The following LOXL2 variants were observed in gnomAD, a reference collection of about 807,000 sequenced individuals.
The protein encoded by LOXL2 is lysyl oxidase like 2, also known as lysyl oxidase homolog 2.
A neutral mutation model predicts 93.0 loss-of-function variants in LOXL2; 70 were observed. That is an observed-to-expected ratio of 0.75 (90% CI 0.62 to 0.92). The LOEUF is 0.92. LOXL2 is among the 40% of genes least tolerant of loss of function. The pLI is 0.00. For missense variants in LOXL2, 973 were observed against 1,054.9 expected, an observed-to-expected ratio of 0.92 and a Z score of 1.08; for synonymous variants, 438 against 413.2, an observed-to-expected ratio of 1.06 and a Z score of -0.73.
intron 6 of LOXL2, among the ~76,000 whole-genome samples, chr8:23,323,703 T>C (rs1258509479): frequency 6.8e-6 from 1 of 146,960 alleles, no homozygotes; most frequent in Non-Finnish European, 1.5e-5. Flanking sequence ...GGATTTTTTT[T>C]TTGGGGGGGT....
At chr8:23,376,908 T>G (rs1166341429) in intron 1 of LOXL2, among the ~76,000 whole-genome samples, 3 of 152,172 alleles carry the variant, frequency 2.0e-5, no homozygotes, top group Non-Finnish European at 4.4e-5. Context: ...ATTCATTGAT[T>G]TTTTGAAGGG....
chr8:23,301,928 A>T, intron 12 of LOXL2, 99 bp downstream of exon 12: 2 of 1,465,500 alleles, frequency 1.4e-6, no homozygotes, highest in Admixed American at 3.7e-5. Context: ...AGACAGCCTG[A>T]CTTCCATGCC....
chr8:23,342,119 G>A (rs1485063354), intron 3 of LOXL2, among the ~76,000 whole-genome samples: 1 of 152,180 alleles, frequency 6.6e-6, no homozygotes, highest in Non-Finnish European at 1.5e-5. Flanking sequence ...TCCCTGCCAC[G>A]TGGGTGTTCC....
intron 8 of LOXL2, among the ~76,000 whole-genome samples, chr8:23,319,622 G>A (rs1203514708): frequency 6.6e-6 from 1 of 152,168 alleles, no homozygotes; most frequent in African/African-American, 2.4e-5. Flanking sequence ...CAGAGCAGGA[G>A]TGGACCATGA....
intron 3 of LOXL2, among the ~76,000 whole-genome samples, chr8:23,342,433 C>CAT (rs1381109562): frequency 7.3e-6 from 1 of 137,330 alleles, no homozygotes; most frequent in Non-Finnish European, 1.5e-5. Flanking sequence ...TTTTCTTTTT[C>CAT]TTTTTTTTTT....
intron 1 of LOXL2, among the ~76,000 whole-genome samples, chr8:23,386,540 C>T (rs891203581): frequency 6.6e-6 from 1 of 152,174 alleles, no homozygotes; most frequent in Non-Finnish European, 1.5e-5. Flanking sequence ...CTTCTCCATA[C>T]CTGTTCTATT....
In LOXL2 at chr8:23,299,468, C is replaced by T. The variant is rs866365072; in HGVS notation, c.2134-521G>A. 5.3e-5 allele frequency among the ~76,000 whole-genome samples: 8 copies of T among 152,198 alleles called. No individual in the cohort carries two copies. The Middle Eastern group carries it at 0.014, about 259-fold the overall frequency. ...CCATGTCCCTGTCTGCTCTGCTGGCCGAGGGCCTGGCTCTGGGGCTGCTGG... is the reference window on the plus strand; with the variant it reads ...CCATGTCCCTGTCTGCTCTGCTGGCTGAGGGCCTGGCTCTGGGGCTGCTGG... On this transcript the variant is annotated intron_variant, in intron 12 of 13. Transcript: ENST00000389131.
intron 1 of LOXL2, among the ~76,000 whole-genome samples, chr8:23,368,642 T>C (rs1180500359): frequency 7.2e-5 from 11 of 152,202 alleles, no homozygotes; most frequent in Non-Finnish European, 1.5e-5. Context: ...AGAATGCTTT[T>C]TCCAGTAGAG....
At chr8:23,379,503 C>G (rs895048689) in intron 1 of LOXL2, among the ~76,000 whole-genome samples, 1 of 152,214 alleles carries the variant, frequency 6.6e-6, no homozygotes, top group African/African-American at 2.4e-5. Flanking sequence ...GTTTCTGCTG[C>G]CTTTTGTTCG....
At position 23,316,986 on chromosome 8, in the gene LOXL2, G is replaced by A. The variant is rs3736016; in HGVS notation, c.1599C>T (p.Gly533=). 8.4e-3 allele frequency: 13,551 copies of A among 1,613,638 alleles called. 1,090 individuals carry two copies. In the East Asian group the frequency reaches 0.21, roughly 25 times the overall value. The change falls in exon 9 of 14, where the codon GGC becomes GGT. Residue 533 remains glycine, a synonymous_variant. Coordinates refer to ENST00000389131, the MANE Select transcript of LOXL2 (RefSeq NM_002318.3). ...CAACTCCGGCCCCGTACTGCACTCC[G>A]CCCTGGGGGCAGGCCACGTCCTCCC... is the stretch of plus-strand genomic sequence containing the variant. ...HDGEDVACPQ[G]GVQYGAGVAC...
chr8:23,326,241 A>G (rs1803575683), intron 6 of LOXL2, among the ~76,000 whole-genome samples: 1 of 152,236 alleles, frequency 6.6e-6, no homozygotes, highest in Admixed American at 6.5e-5. Flanking sequence ...CCAAAATGCC[A>G]AATGCCTCTT....
Position 23,307,953 on chromosome 8 carries a change from G to GAAAAAAAAA in LOXL2, c.1880+1706_1880+1714dup, listed in dbSNP as rs1554475672. 4.8e-5 allele frequency among the ~76,000 whole-genome samples: 4 copies of GAAAAAAAAA among 83,552 alleles called. No individual in the cohort carries two copies. The East Asian group carries it at 1.4e-3, about 29-fold the overall frequency. The allele number at this position is 83,552 out of a possible 152,430, so 54.8% of individuals were successfully genotyped here. A position where few individuals can be genotyped will look rare whatever the true frequency, so the allele number is the denominator to read the frequency against. ...GTGACTAGGTCATCAGCTGCGATAT[G>GAAAAAAAAA]AAAAAAAAAAAAAAAAAAAAGCCAA... On this transcript the variant is annotated intron_variant, in intron 10 of 13. Coordinates refer to ENST00000389131, the MANE Select transcript of LOXL2 (RefSeq NM_002318.3).
intron 2 of LOXL2, chr8:23,363,211 C>T (rs937350598): frequency 6.6e-6 from 1 of 152,138 alleles, no homozygotes. Context: ...GATTAGAAAA[C>T]CAAGGAAAGA....
intron 3 of LOXL2, among the ~76,000 whole-genome samples, chr8:23,355,304 G>C (rs1053015632): frequency 7.6e-6 from 1 of 132,448 alleles, no homozygotes; most frequent in African/African-American, 2.6e-5. Context: ...TATTTGAAGA[G>C]AACCATCTCC....
chr8:23,332,548 ACACC>A, intron 5 of LOXL2, among the ~76,000 whole-genome samples: 1 of 81,264 alleles, frequency 1.2e-5, no homozygotes, highest in African/African-American at 5.1e-5. Context: ...ACACCCCCAC[ACACC>A]CACACTCATA....
rs1274232385 is a variant in LOXL2, at chr8:23,298,891, CATG to C, written c.2187_2189del (p.Ile729del). 2 of 1,614,040 alleles carry C rather than the reference CATG, an allele frequency of 1.2e-6. No individual in the cohort carries two copies. The highest frequency in any genetic ancestry group is 4.5e-5 in the East Asian group (2 of 44,870). Reference sequence around the variant, plus strand: ...GGCCGTCATAGCGGCTCCTGCATTTCATGATGTTGTTGGAGTAATCGGATTCTG... The same window carrying C: ...GGCCGTCATAGCGGCTCCTGCATTTCATGTTGTTGGAGTAATCGGATTCTG... On this transcript the variant is annotated inframe_deletion, in exon 13 of 14. Coordinates refer to ENST00000389131, the MANE Select transcript of LOXL2 (RefSeq NM_002318.3).
chr8:23,396,291 T>A (rs574845681), intron 1 of LOXL2, among the ~76,000 whole-genome samples: 2 of 151,932 alleles, frequency 1.3e-5, no homozygotes, highest in African/African-American at 4.8e-5. Flanking sequence ...CATTACAGCC[T>A]GGACAACAAG....
At chr8:23,342,622 A>G (rs147522381) in intron 3 of LOXL2, among the ~76,000 whole-genome samples, 8,676 of 152,170 alleles carry the variant, frequency 0.057, 357 homozygotes, top group Non-Finnish European at 0.09. Flanking sequence ...TAGTAGAGAC[A>G]GGGTTTCACC....
In LOXL2 at chr8:23,317,097, G is replaced by A. The variant is rs374553547; in HGVS notation, c.1488C>T (p.His496=). 57 of 1,614,136 alleles carry A rather than the reference G, an allele frequency of 3.5e-5. No homozygotes were observed. In the African/African-American group the frequency reaches 3.6e-4, roughly 10 times the overall value. ...CCACTTTGTTGCTGTTGACATCTCC[G>A]TGCCAATACCAGGTCTCCTGGAAGA... ...SNAFQETWYW[H]GDVNSNKVVM... Residue 496 remains histidine, a synonymous_variant, in exon 9 of 14, where the codon CAC becomes CAT. Coordinates refer to ENST00000389131, the MANE Select transcript of LOXL2 (RefSeq NM_002318.3).
Sources: allele counts gnomAD v4.1 joint callset (sites outside exome capture counted in the v4.1 genomes callset), GRCh38; gene constraint gnomAD v4.1.1; transcripts MANE v1.5; gene names NCBI Gene and HGNC (gene_info 2026-07-23, HGNC 2026-07-21).